Variants in GRM4 observed in about 807,000 individuals in gnomAD.
GRM4 encodes metabotropic glutamate receptor 4.
In GRM4, 28 loss-of-function variants were observed where a neutral mutation model predicts 81.7. That is an observed-to-expected ratio of 0.34 (90% CI 0.25 to 0.47). The LOEUF (loss-of-function observed/expected upper bound fraction) is 0.47. Ranked by LOEUF, GRM4 falls within the 20% of genes least tolerant of loss-of-function variation. The pLI, the probability that GRM4 is intolerant of heterozygous loss-of-function variation, is 1.00. For missense variants in GRM4, 948 were observed against 1,290.0 expected (o/e 0.73, Z 4.06); for synonymous variants, 488 against 528.8 (o/e 0.92, Z 1.06).
intron 3 of GRM4, among the ~76,000 whole-genome samples, chr6:34,085,760 A>T (rs1425140806): frequency 6.6e-6 from 1 of 152,224 alleles, no homozygotes; most frequent in Non-Finnish European, 1.5e-5. Flanking sequence ...ACAAACAAAT[A>T]AAAATGTATT....
In GRM4 at chr6:34,070,795, CA is replaced by C. The variant is rs1356983238; in HGVS notation, c.737-8768del. Among the ~76,000 whole-genome samples the C allele has an allele frequency of 2.9e-4, 8 of 27,970 alleles. No homozygotes were observed. The East Asian group carries it at 8.4e-3, about 29-fold the overall frequency. The allele number at this position is 27,970 out of a possible 152,430, so 18.3% of individuals were successfully genotyped here. A position where few individuals can be genotyped will look rare whatever the true frequency, so the allele number is the denominator to read the frequency against. ...CACACCCCCGCCACACCCCCAGCCA[CA>C]CACACACACACACACACACACACGG... On this transcript the variant is annotated intron_variant, in intron 3 of 10. Coordinates refer to ENST00000538487, the MANE Select transcript of GRM4 (RefSeq NM_000841.4). This position sits in a 1 kb window ranked among gnomAD's most constrained non-coding sequence, Gnocchi z 4.6.
chr6:34,127,866 TAA>T (rs967109277), intron 2 of GRM4, among the ~76,000 whole-genome samples: 6 of 152,134 alleles, frequency 3.9e-5, no homozygotes, highest in African/African-American at 1.4e-4. Flanking sequence ...TGAAAACACA[TAA>T]AGACACAAAG....
At chr6:34,143,446 G>T (rs960381796) in intron 1 of GRM4, among the ~76,000 whole-genome samples, 1 of 152,204 alleles carries the variant, frequency 6.6e-6, no homozygotes, top group Non-Finnish European at 1.5e-5. Flanking sequence ...GGCCTGCCAA[G>T]AAGAGGTGAC....
chr6:34,117,773 G>C (rs1309388639), intron 2 of GRM4, among the ~76,000 whole-genome samples: 3 of 152,074 alleles, frequency 2.0e-5, no homozygotes, highest in East Asian at 1.9e-4. Flanking sequence ...ATTAGGAAGG[G>C]CCTCCCACCT....
Position 34,078,343 on chromosome 6 carries a change from C to G in GRM4, c.736+13540G>C, listed in dbSNP as rs1767421823. Among the ~76,000 whole-genome samples, 1 of 152,090 alleles carries G rather than the reference C, an allele frequency of 6.6e-6. No homozygotes were observed. The highest frequency in any genetic ancestry group is 1.5e-5 in the Non-Finnish European group (1 of 68,008). On this transcript the variant is annotated intron_variant, in intron 3 of 10. Transcript: ENST00000538487. The surrounding 1 kb of genome is among the most constrained non-coding windows in gnomAD (Gnocchi z 4.8). ...GCCCCTCATGTTCACACAGCACTCCCAGTAGAGTAACCTTTCTACGTGTTG... is the reference window on the plus strand; with the variant it reads ...GCCCCTCATGTTCACACAGCACTCCGAGTAGAGTAACCTTTCTACGTGTTG...
rs1450656753 is a variant in GRM4 at position 34,111,347 on chromosome 6, TCA to T, written c.520-19250_520-19249del. On this transcript the variant is annotated intron_variant, in intron 2 of 10. Coordinates refer to ENST00000538487, the MANE Select transcript of GRM4 (RefSeq NM_000841.4). The surrounding 1 kb of genome is among the most constrained non-coding windows in gnomAD (Gnocchi z 5.1). ...GAGTCCCACACATACTTTCCTGGAC[TCA>T]CACTCACAGGCCTCTTGGTGGTAAG... Among the ~76,000 whole-genome samples, 1 of 143,870 alleles carries T rather than the reference TCA, an allele frequency of 7.0e-6. No homozygotes were observed. The highest frequency in any genetic ancestry group is 7.1e-5 in the Admixed American group (1 of 14,040). The allele number at this position is 143,870 out of a possible 152,430, so 94.4% of individuals were successfully genotyped here.
intron 3 of GRM4, among the ~76,000 whole-genome samples, chr6:34,079,141 T>C (rs1041686737): frequency 3.9e-5 from 6 of 152,210 alleles, no homozygotes; most frequent in Non-Finnish European, 7.3e-5. Context: ...CAGTGGCTCA[T>C]CCATGGACAC....
intron 2 of GRM4, among the ~76,000 whole-genome samples, chr6:34,132,362 C>A (rs1368662640): frequency 3.3e-5 from 5 of 152,186 alleles, no homozygotes; most frequent in Non-Finnish European, 5.9e-5. Flanking sequence ...CAGCCCCACA[C>A]CCCATCCAAA....
At position 34,059,245 on chromosome 6, in the gene GRM4, C is replaced by T; in HGVS notation, c.873-117G>A. Reference sequence around the variant, plus strand: ...ACCCCCAGAAGCCCAGGGTCCACAACTGTCCCAGCACCGATGCTTTCACCC... The same window carrying T: ...ACCCCCAGAAGCCCAGGGTCCACAATTGTCCCAGCACCGATGCTTTCACCC... On this transcript the variant is annotated intron_variant, in intron 4 of 10. Transcript: ENST00000538487. The surrounding 1 kb of genome is among the most constrained non-coding windows in gnomAD (Gnocchi z 5.7). 1 of 883,254 alleles carries T rather than the reference C, an allele frequency of 1.1e-6. No individual in the cohort carries two copies. The highest frequency in any genetic ancestry group is 1.8e-6 in the Non-Finnish European group (1 of 559,720). 54.7% of individuals were successfully genotyped at this position (883,254 alleles called of 1,614,324 possible). A position where few individuals can be genotyped will look rare whatever the true frequency, so the allele number is the denominator to read the frequency against.
rs1198514329 is a variant in GRM4 at position 34,064,412 on chromosome 6, T to C, written c.737-2384A>G. Among the ~76,000 whole-genome samples, 4 of 151,774 alleles carry C rather than the reference T, an allele frequency of 2.6e-5. No individual in the cohort carries two copies. Among genetic ancestry groups the C allele is most frequent in the African/African-American group, 9.7e-5 (4 of 41,290 alleles). ...TCACAAAGATAGTCAGGGGAAGAGG[T>C]GGGGTTTGAACTTGGGCCATCTGGC... On this transcript the variant is annotated intron_variant, in intron 3 of 10. Transcript: ENST00000538487. This position sits in a 1 kb window ranked among gnomAD's most constrained non-coding sequence, Gnocchi z 4.4.
chr6:34,134,838 C>T (rs1054474490), intron 1 of GRM4, among the ~76,000 whole-genome samples: 2 of 152,196 alleles, frequency 1.3e-5, no homozygotes, highest in African/African-American at 4.8e-5. Flanking sequence ...TATTTATCTG[C>T]AAGAGTAGAG....
At chr6:34,102,028 T>C (rs964333200) in intron 2 of GRM4, 1 of 1,535,536 alleles carries the variant, frequency 6.5e-7, no homozygotes. Context: ...TTACCTGTCC[T>C]CCACCCCCAA....
chr6:34,056,426 G>C, intron 6 of GRM4, 118 bp downstream of exon 6: 1 of 881,718 alleles, frequency 1.1e-6, no homozygotes, highest in Non-Finnish European at 1.7e-6. Flanking sequence ...CCAACTGCAC[G>C]TCCTGCCACG....
Position 34,070,397 on chromosome 6 carries a change from G to A in GRM4, c.737-8369C>T, listed in dbSNP as rs1260810259. Among the ~76,000 whole-genome samples, 1 of 152,128 alleles carries A rather than the reference G, an allele frequency of 6.6e-6. No individual in the cohort carries two copies. Among genetic ancestry groups the A allele is most frequent in the Non-Finnish European group, 1.5e-5 (1 of 68,004 alleles). On this transcript the variant is annotated intron_variant, in intron 3 of 10. Coordinates refer to ENST00000538487, the MANE Select transcript of GRM4 (RefSeq NM_000841.4). This position sits in a 1 kb window ranked among gnomAD's most constrained non-coding sequence, Gnocchi z 4.6. ...CTCAGGAAATCGGCCTGCAAAGGATGAGCAAGTGAAGAAAGGTGCATGCTG... is the reference window on the plus strand; with the variant it reads ...CTCAGGAAATCGGCCTGCAAAGGATAAGCAAGTGAAGAAAGGTGCATGCTG...
At chr6:34,055,969 C>CT (rs1236894941) in intron 6 of GRM4, 6 of 152,372 alleles carry the variant, frequency 3.9e-5, no homozygotes, top group African/African-American at 7.2e-5. Context: ...ACTTTCCGTT[C>CT]TTTTTATTGT....
chr6:34,132,726 T>C (rs1638745814), intron 2 of GRM4, among the ~76,000 whole-genome samples: 1 of 152,206 alleles, frequency 6.6e-6, no homozygotes, highest in Non-Finnish European at 1.5e-5. Context: ...TTTCAGCACC[T>C]CGGTCAGCGC....
chr6:34,029,629 G>T (rs188802474), intron 9 of GRM4, among the ~76,000 whole-genome samples: 3 of 152,136 alleles, frequency 2.0e-5, no homozygotes, highest in African/African-American at 7.2e-5. Context: ...CTGCCCTTCT[G>T]TGGGCCTCAG....
Position 34,047,556 on chromosome 6 carries a change from C to T in GRM4, c.1169-6808G>A, listed in dbSNP as rs1765416615. Among the ~76,000 whole-genome samples the T allele has an allele frequency of 2.0e-5, 3 of 152,236 alleles. No individual in the cohort carries two copies. The South Asian group carries it at 6.2e-4, about 32-fold the overall frequency. On this transcript the variant is annotated intron_variant, in intron 6 of 10. Coordinates refer to ENST00000538487, the MANE Select transcript of GRM4 (RefSeq NM_000841.4). The surrounding 1 kb of genome is among the most constrained non-coding windows in gnomAD (Gnocchi z 4.5). ...AGCCCTATACCGCAGTTTTGCCGGC[C>T]CCCTCCTCTCGAATTTTCATCCTCA... is the stretch of plus-strand genomic sequence containing the variant.
intron 3 of GRM4, among the ~76,000 whole-genome samples, chr6:34,065,362 G>A (rs1396349038): frequency 6.6e-6 from 1 of 150,866 alleles, no homozygotes; most frequent in Non-Finnish European, 1.5e-5. Context: ...TGTGCCCCAA[G>A]TCTCTCTCGT....
Sources: gnomAD v4.1 joint callset for allele counts (sites outside exome capture counted in the v4.1 genomes callset) on GRCh38, gnomAD v4.1.1 for gene constraint, Gnocchi (gnomAD v3.1) non-coding constraint, MANE v1.5 for transcripts, NCBI Gene and HGNC (gene_info 2026-07-23, HGNC 2026-07-21) for gene names.